Variants in ADAM12 observed in about 807,000 individuals in gnomAD.
ADAM12 encodes the protein disintegrin and metalloproteinase domain-containing protein 12.
In ADAM12, 70 loss-of-function variants were observed where a neutral mutation model predicts 106.4. The ratio of observed to expected loss-of-function variants is 0.66; its 90% confidence interval spans 0.54 to 0.80. The LOEUF (loss-of-function observed/expected upper bound fraction) is 0.80, where lower values mean the gene tolerates loss of function less well. ADAM12 is among the 30% of genes least tolerant of loss of function. The probability of loss-of-function intolerance (pLI) is 0.00; values close to 1 mark genes in which losing one functional copy is unlikely to be tolerated. For missense variants in ADAM12, 1,010 were observed against 1,171.9 expected (o/e 0.86, Z 2.02); for synonymous variants, 420 against 433.5 (o/e 0.97, Z 0.39).
chr10:126,124,094 T>C (rs558402595), intron 5 of ADAM12, among the ~76,000 whole-genome samples: 1 of 152,296 alleles, frequency 6.6e-6, no homozygotes, highest in African/African-American at 2.4e-5. Flanking sequence ...CCTGATTTTT[T>C]TGACTGCACC....
chr10:126,179,389 A>G (rs1247613690), intron 3 of ADAM12, among the ~76,000 whole-genome samples: 2 of 152,258 alleles, frequency 1.3e-5, no homozygotes, highest in Non-Finnish European at 2.9e-5. Context: ...CATTGGGCTC[A>G]AAATGAGCTG....
intron 11 of ADAM12, among the ~76,000 whole-genome samples, chr10:126,079,147 C>T (rs1389970852): frequency 3.9e-5 from 6 of 152,184 alleles, no homozygotes; most frequent in Admixed American, 3.3e-4. Flanking sequence ...GCTCTGCAGA[C>T]GATTTGCTAA....
At chr10:126,030,343 TG>T (rs1281678962) in intron 21 of ADAM12, among the ~76,000 whole-genome samples, 3 of 152,016 alleles carry the variant, frequency 2.0e-5, no homozygotes, top group African/African-American at 7.2e-5. Context: ...GAGAGGTGGG[TG>T]GGGGGTAGAG....
At chr10:126,349,217 T>C (rs1855263820) in intron 1 of ADAM12, among the ~76,000 whole-genome samples, 1 of 152,182 alleles carries the variant, frequency 6.6e-6, no homozygotes, top group South Asian at 2.1e-4. Context: ...ATCCTCTTTA[T>C]CTCCCAGCTT....
intron 3 of ADAM12, among the ~76,000 whole-genome samples, chr10:126,207,193 G>A (rs6597746): frequency 0.82 from 124,962 of 152,112 alleles, 51,431 homozygotes; most frequent in Middle Eastern, 0.9. Context: ...CCTCAGATGA[G>A]CATCTTGAGA....
At chr10:126,142,192 C>T (rs552868178) in intron 4 of ADAM12, among the ~76,000 whole-genome samples, 17 of 152,144 alleles carry the variant, frequency 1.1e-4, no homozygotes, top group African/African-American at 3.4e-4. Context: ...CCTAATCCAG[C>T]GGCACTAGAG....
intron 14 of ADAM12, among the ~76,000 whole-genome samples, chr10:126,061,380 C>G (rs577414166): frequency 1.4e-4 from 21 of 152,310 alleles, no homozygotes; most frequent in South Asian, 2.1e-4. Flanking sequence ...TGAGGCATAA[C>G]AAGGTTGAGC....
chr10:126,228,924 A>C (rs1335074050), intron 3 of ADAM12, among the ~76,000 whole-genome samples: 2 of 152,272 alleles, frequency 1.3e-5, no homozygotes, highest in Non-Finnish European at 2.9e-5. Context: ...AGGTTAAAAA[A>C]AATTCTTACT....
At chr10:126,184,690 A>C (rs1182786361) in intron 3 of ADAM12, among the ~76,000 whole-genome samples, 1 of 152,184 alleles carries the variant, frequency 6.6e-6, no homozygotes, top group Non-Finnish European at 1.5e-5. Context: ...GCCACGCTTC[A>C]GTTCTGTCTC....
At chr10:126,268,224 G>A (rs562753366) in intron 3 of ADAM12, among the ~76,000 whole-genome samples, 10 of 152,256 alleles carry the variant, frequency 6.6e-5, no homozygotes, top group South Asian at 2.1e-4. Flanking sequence ...AAATAGAATC[G>A]CATAATATTT....
chr10:126,242,812 G>A (rs954887159), intron 3 of ADAM12, among the ~76,000 whole-genome samples: 1 of 152,140 alleles, frequency 6.6e-6, no homozygotes. Flanking sequence ...CCAGCTCTGG[G>A]TTCACATGGT....
intron 3 of ADAM12, among the ~76,000 whole-genome samples, chr10:126,162,645 G>A (rs1013814099): frequency 3.9e-5 from 6 of 152,148 alleles, no homozygotes; most frequent in Non-Finnish European, 7.4e-5. Flanking sequence ...ACAGGCTCCA[G>A]GAAGGTTAGC....
At chr10:126,310,384 G>A (rs1036345449) in intron 2 of ADAM12, among the ~76,000 whole-genome samples, 1 of 152,108 alleles carries the variant, frequency 6.6e-6, no homozygotes, top group South Asian at 2.1e-4. Flanking sequence ...GGCAGCAATT[G>A]CAAGTAAGAG....
chr10:126,121,102 T>TATAG (rs1956085542), intron 5 of ADAM12, among the ~76,000 whole-genome samples: 1 of 40,326 alleles, frequency 2.5e-5, no homozygotes, highest in African/African-American at 1.1e-4. Flanking sequence ...ATATACTATA[T>TATAG]TATATATAGT....
intron 2 of ADAM12, among the ~76,000 whole-genome samples, chr10:126,299,267 C>T (rs754873471): frequency 2.6e-5 from 4 of 152,238 alleles, no homozygotes; most frequent in Admixed American, 6.5e-5. Flanking sequence ...CCCCAGGCCT[C>T]GGCATGCCTG....
chr10:126,308,910 A>T (rs951487272), intron 2 of ADAM12, among the ~76,000 whole-genome samples: 5 of 152,204 alleles, frequency 3.3e-5, no homozygotes, highest in African/African-American at 1.2e-4. Context: ...GTCAGCTGTC[A>T]TGAAGCCCCT....
intron 3 of ADAM12, among the ~76,000 whole-genome samples, chr10:126,179,114 C>T (rs1429386363): frequency 6.6e-6 from 1 of 152,020 alleles, no homozygotes; most frequent in East Asian, 1.9e-4. Flanking sequence ...CAGTCCCTAT[C>T]AACGTGACTG....
At chr10:126,171,731 C>T (rs1025740633) in intron 3 of ADAM12, among the ~76,000 whole-genome samples, 2 of 152,140 alleles carry the variant, frequency 1.3e-5, no homozygotes, top group East Asian at 1.9e-4. Context: ...GCTTCCCAGT[C>T]GTGGATCTGT....
chr10:126,348,352 T>G (rs1410326614), intron 1 of ADAM12, among the ~76,000 whole-genome samples: 1 of 152,102 alleles, frequency 6.6e-6, no homozygotes, highest in African/African-American at 2.4e-5. Flanking sequence ...GGGATGCCAA[T>G]GATATCAGGC....
Sources: allele counts gnomAD v4.1 joint callset (sites outside exome capture counted in the v4.1 genomes callset), GRCh38; gene constraint gnomAD v4.1.1; transcripts MANE v1.5; gene names NCBI Gene and HGNC (gene_info 2026-07-23, HGNC 2026-07-21).